Variants in GOLIM4 observed in about 807,000 individuals in gnomAD.
The protein encoded by GOLIM4 is golgi integral membrane protein 4.
A neutral mutation model predicts 107.4 loss-of-function variants in GOLIM4; 71 were observed. The observed-to-expected ratio is 0.66, with a 90% CI of 0.55 to 0.81. The LOEUF (loss-of-function observed/expected upper bound fraction) is 0.81, where lower values mean the gene tolerates loss of function less well. Ranked by LOEUF, GOLIM4 falls within the 30% of genes least tolerant of loss-of-function variation. The pLI is 0.00. For synonymous variants in GOLIM4, 327 were observed against 294.8 expected, an observed-to-expected ratio of 1.11 and a Z score of -1.12; for missense variants, 830 against 826.1, an observed-to-expected ratio of 1.00 and a Z score of -0.06.
At chr3:168,013,566 C>A (rs924343497) in intron 14 of GOLIM4, among the ~76,000 whole-genome samples, 1 of 143,044 alleles carries the variant, frequency 7.0e-6, no homozygotes, top group Non-Finnish European at 1.5e-5. Flanking sequence ...GAACTCTCCA[C>A]CCCAAATCAA....
chr3:168,086,200 A>AGGGCAAGCAT (rs1292760425), intron 1 of GOLIM4, among the ~76,000 whole-genome samples: 1 of 152,168 alleles, frequency 6.6e-6, no homozygotes, highest in Admixed American at 6.5e-5. Context: ...CTAATGCAGA[A>AGGGCAAGCAT]GGGCAAGCAT....
rs920743453 is a variant in GOLIM4 at position 168,009,027 on chromosome 3, GATT to G, written c.*1239_*1241del. The G allele has an allele frequency of 1.4e-4, 22 of 151,982 alleles. No homozygotes were observed. Among genetic ancestry groups the G allele is most frequent in the African/African-American group, 4.6e-4 (19 of 41,500 alleles). 9.4% of individuals were successfully genotyped at this position (151,982 alleles called of 1,614,324 possible). A position where few individuals can be genotyped will look rare whatever the true frequency, so the allele number is the denominator to read the frequency against. On this transcript the variant is annotated 3_prime_UTR_variant, in exon 16 of 16. Coordinates refer to ENST00000470487, the MANE Select transcript of GOLIM4 (RefSeq NM_014498.5). ...GAAAATGAAATGTTTTTATTAATTT[GATT>G]ATTAATACAAAACCACACATATATG...
At chr3:168,060,636 C>G (rs771616713) in intron 1 of GOLIM4, among the ~76,000 whole-genome samples, 43 of 152,210 alleles carry the variant, frequency 2.8e-4, no homozygotes, top group Middle Eastern at 3.4e-3. Flanking sequence ...TGTGTGGGAA[C>G]AATGAAACAA....
At chr3:168,070,168 C>T (rs1283188188) in intron 1 of GOLIM4, among the ~76,000 whole-genome samples, 5 of 152,066 alleles carry the variant, frequency 3.3e-5, no homozygotes, top group East Asian at 1.9e-4. Flanking sequence ...CCTAGGTGGG[C>T]GGATCACGAG....
rs551837705 is a variant in GOLIM4, at chr3:168,079,722, T to C, written c.187+15377A>G. ...AAAATTTAAAAAAGGGAAAGATTTC[T>C]TAGGTATAAAATATAAGAACTCAAT... On this transcript the variant is annotated intron_variant, in intron 1 of 15. Coordinates refer to ENST00000470487, the MANE Select transcript of GOLIM4 (RefSeq NM_014498.5). Among the ~76,000 whole-genome samples, 66 of 152,292 alleles carry C rather than the reference T, an allele frequency of 4.3e-4. 1 individual carries two copies. The South Asian group carries it at 4.8e-3, about 11-fold the overall frequency.
chr3:168,079,761 T>C lies in GOLIM4; in HGVS notation c.187+15338A>G, dbSNP rs117519596. Among the ~76,000 whole-genome samples, 77 of 152,268 alleles carry C rather than the reference T, an allele frequency of 5.1e-4. No homozygotes were observed. The East Asian group carries it at 0.014, about 27-fold the overall frequency. ...TAAGAACTCAATATATTAAATGTAA[T>C]AGTAATTTCTGTCTAGTTTTAAAGC... On this transcript the variant is annotated intron_variant, in intron 1 of 15. Transcript: ENST00000470487.
Position 168,029,901 on chromosome 3 carries a change from T to C in GOLIM4, c.1312A>G (p.Arg438Gly). Residue 438 changes from arginine (R) to glycine (G), a missense_variant, in exon 10 of 16, where the codon AGG (arginine) becomes GGG (glycine). Arg to Gly is a moderately radical substitution (Grantham distance 125). Transcript: ENST00000470487. Reference sequence around the variant, plus strand: ...TGCCGTAGTAAGTGCCCCTGCAGCCTCTGCTGGTGCAAAGCTTCCTGGTGT... The same window carrying C: ...TGCCGTAGTAAGTGCCCCTGCAGCCCCTGCTGGTGCAAAGCTTCCTGGTGT... ...REHQEALHQQRLQGHLLRQQE... is the reference protein window; with the variant it reads ...REHQEALHQQGLQGHLLRQQE... 1.9e-6 allele frequency: 3 copies of C among 1,614,166 alleles called. No individual in the cohort carries two copies. Among genetic ancestry groups the C allele is most frequent in the Non-Finnish European group, 2.5e-6 (3 of 1,180,026 alleles).
At chr3:168,088,577 C>G (rs757783638) in intron 1 of GOLIM4, among the ~76,000 whole-genome samples, 1 of 152,230 alleles carries the variant, frequency 6.6e-6, no homozygotes, top group Non-Finnish European at 1.5e-5. Context: ...ACTGAAACCA[C>G]ATCTGATGCC....
At position 168,029,781 on chromosome 3, in the gene GOLIM4, G is replaced by A. The variant is rs528758552; in HGVS notation, c.1432C>T (p.Arg478Trp). 17 of 1,612,664 alleles carry A rather than the reference G, an allele frequency of 1.1e-5. No individual in the cohort carries two copies. Among genetic ancestry groups the A allele is most frequent in the Admixed American group, 3.3e-5 (2 of 59,998 alleles). ...TTCATTAAGGAAGGGGAAGGCTACC[G>A]GAGCTGCTCCTGGTGCTGCGGCCGG... The part of the protein sequence containing the change: ...EGRPQHQEQL[R>W]QQAHYDAMDN... The change falls in exon 10 of 16, where the codon CGG becomes TGG. Residue 478 changes from arginine to tryptophan, a missense_variant and splice_region_variant. Transcript: ENST00000470487.
At chr3:168,012,265 A>G (rs1457475905) in intron 14 of GOLIM4, among the ~76,000 whole-genome samples, 4 of 138,516 alleles carry the variant, frequency 2.9e-5, no homozygotes, top group African/African-American at 1.4e-4. Context: ...GAGCCGATGC[A>G]ATCAACTGTA....
At chr3:168,079,379 C>G (rs1201614972) in intron 1 of GOLIM4, among the ~76,000 whole-genome samples, 1 of 152,098 alleles carries the variant, frequency 6.6e-6, no homozygotes, top group Admixed American at 6.6e-5. Flanking sequence ...GAAACTAAAC[C>G]ATGGTGCTTA....
chr3:168,059,729 G>GA (rs1720155793), intron 1 of GOLIM4, among the ~76,000 whole-genome samples: 1 of 152,160 alleles, frequency 6.6e-6, no homozygotes, highest in African/African-American at 2.4e-5. Flanking sequence ...AAAAGAGATC[G>GA]AAAGAGACTG....
At position 168,014,602 on chromosome 3, in the gene GOLIM4, A is replaced by G. The variant is rs1442441432; in HGVS notation, c.1861-3779T>C. On this transcript the variant is annotated intron_variant, in intron 14 of 15. Transcript: ENST00000470487. ...ACACAACAAAAAAAAAGAATTTTAG[A>G]CCAATATCCTTGATGAACATTGATG... Among the ~76,000 whole-genome samples the G allele has an allele frequency of 2.4e-3, 318 of 131,526 alleles. 4 individuals are homozygous for G. The highest frequency in any genetic ancestry group is 0.013 in the African/African-American group (299 of 22,690). 86.3% of individuals were successfully genotyped at this position (131,526 alleles called of 152,430 possible). A position where few individuals can be genotyped will look rare whatever the true frequency, so the allele number is the denominator to read the frequency against.
chr3:168,069,016 T>C (rs573141857), intron 1 of GOLIM4, among the ~76,000 whole-genome samples: 1 of 152,114 alleles, frequency 6.6e-6, no homozygotes, highest in African/African-American at 2.4e-5. Context: ...TTTGTATTAT[T>C]AGTAGAGATG....
rs771393518 is a variant in GOLIM4, at chr3:168,041,467, TAC to T, written c.523_524del (p.Val175IlefsTer8). 6.8e-7 allele frequency: 1 copy of T among 1,481,356 alleles called. No homozygotes were observed. The highest frequency in any genetic ancestry group is 9.4e-7 in the Non-Finnish European group (1 of 1,062,006). The allele number at this position is 1,481,356 out of a possible 1,614,324, so 91.8% of individuals were successfully genotyped here. On this transcript the variant is annotated frameshift_variant, in exon 6 of 16. Coordinates refer to ENST00000470487, the MANE Select transcript of GOLIM4 (RefSeq NM_014498.5). LOFTEE classifies it high-confidence loss of function. The stretch of plus-strand genomic sequence containing the variant: ...GTCTATTCTCTTCTCTCAAATTGTA[TAC>T]AGTCTCTATTTTAGAAAAAGAAGGA... ...EQELSKLKET[V>X]YNLREENRQL...
intron 1 of GOLIM4, among the ~76,000 whole-genome samples, chr3:168,061,347 A>T (rs1720263333): frequency 6.6e-6 from 1 of 152,246 alleles, no homozygotes; most frequent in African/African-American, 2.4e-5. Flanking sequence ...AATGTGGAGG[A>T]AGGAACTCTT....
At chr3:168,062,767 T>A (rs902872516) in intron 1 of GOLIM4, among the ~76,000 whole-genome samples, 4 of 152,148 alleles carry the variant, frequency 2.6e-5, no homozygotes, top group Admixed American at 6.5e-5. Context: ...GGGCGAGGAA[T>A]GCACTGAAGC....
rs530132170 is a variant in GOLIM4 at position 168,031,821 on chromosome 3, T to C, written c.1176+699A>G. On this transcript the variant is annotated intron_variant, in intron 9 of 15. Transcript: ENST00000470487. ...CATGTAAAGGCCAGGTAACCTACTA[T>C]TGAGACTCAGTTTAGAGACAGTAAA... Among the ~76,000 whole-genome samples the C allele has an allele frequency of 4.6e-5, 7 of 152,304 alleles. No individual in the cohort carries two copies. The East Asian group carries it at 5.8e-4, about 13-fold the overall frequency.
rs1716956476 is a variant in GOLIM4 at position 168,010,712 on chromosome 3, T to C, written c.1941+31A>G. On this transcript the variant is annotated intron_variant, in intron 15 of 15. Coordinates refer to ENST00000470487, the MANE Select transcript of GOLIM4 (RefSeq NM_014498.5). ...ACATGCACACCCACAAACACTCAAG[T>C]GCTCAATAGAAATATGTATCCCGGT... 2.7e-6 allele frequency: 4 copies of C among 1,469,666 alleles called. No individual in the cohort carries two copies. In the East Asian group the frequency reaches 6.8e-5, roughly 25 times the overall value. 91.0% of individuals were successfully genotyped at this position (1,469,666 alleles called of 1,614,324 possible). A position where few individuals can be genotyped will look rare whatever the true frequency, so the allele number is the denominator to read the frequency against.
Sources: gnomAD v4.1 joint callset for allele counts (sites outside exome capture counted in the v4.1 genomes callset) on GRCh38, gnomAD v4.1.1 for gene constraint, MANE v1.5 for transcripts, NCBI Gene and HGNC (gene_info 2026-07-23, HGNC 2026-07-21) for gene names.